DYNC2H1: variants seen among roughly 807,000 people sequenced by gnomAD.
DYNC2H1 encodes the protein dynein cytoplasmic 2 heavy chain 1.
In DYNC2H1, 410 loss-of-function variants were observed where a neutral mutation model predicts 570.0. That is an observed-to-expected ratio of 0.72 (90% CI 0.66 to 0.78). The LOEUF (loss-of-function observed/expected upper bound fraction) is 0.78, where lower values mean the gene tolerates loss of function less well. Among genes scored for constraint, DYNC2H1 ranks in the 30% least tolerant of loss-of-function variants. DYNC2H1 has a pLI of 0.00. For missense variants in DYNC2H1, 4,865 were observed against 5,046.4 expected (o/e 0.96, Z 1.09); for synonymous variants, 1,688 against 1,677.6 (o/e 1.01, Z -0.15).
chr11:103,260,103 T>C (rs1386431683), intron 70 of DYNC2H1, 126 bp downstream of exon 70: 1 of 518,008 alleles, frequency 1.9e-6, no homozygotes, highest in Non-Finnish European at 3.0e-6. Flanking sequence ...CTGGTATTTT[T>C]CCAGAACATT....
rs1862074301 is a variant in DYNC2H1 at position 103,186,447 on chromosome 11, G to A, written c.6839G>A (p.Ser2280Asn). The change falls in exon 42 of 89, where the codon AGT becomes AAT. Residue 2280 changes from serine to asparagine, a missense_variant. Around this residue, in one of 5 missense-constraint regions of DYNC2H1, gnomAD observed 2,401 missense variants for 2,454.6 expected, o/e 0.98. Transcript: ENST00000375735. This position sits in a 1 kb window ranked among gnomAD's most constrained non-coding sequence, Gnocchi z 4.5. Reference sequence around the variant, plus strand: ...CTAGATTATTTCAAACCATGGTTAAGTTCTGATACTAAACAGCCCTTTATT... The same window carrying A: ...CTAGATTATTTCAAACCATGGTTAAATTCTGATACTAAACAGCCCTTTATT... ...RGLDYFKPWL[S>N]SDTKQPFILV... is the part of the protein sequence containing the mutation. The A allele has an allele frequency of 6.2e-7, 1 of 1,612,536 alleles. No individual in the cohort carries two copies. Among genetic ancestry groups the A allele is most frequent in the Non-Finnish European group, 8.5e-7 (1 of 1,179,100 alleles).
At chr11:103,286,664 A>G (rs1408149718) in intron 74 of DYNC2H1, among the ~76,000 whole-genome samples, 1 of 152,216 alleles carries the variant, frequency 6.6e-6, no homozygotes, top group Non-Finnish European at 1.5e-5. Flanking sequence ...AAACTAAGGT[A>G]CAAATTGTAC....
chr11:103,377,579 G>A (rs1941444538), intron 83 of DYNC2H1, among the ~76,000 whole-genome samples: 1 of 151,774 alleles, frequency 6.6e-6, no homozygotes, highest in African/African-American at 2.4e-5. Context: ...ATATAATTCT[G>A]TTTTTAAATG....
At chr11:103,393,050 A>G (rs1942239401) in intron 83 of DYNC2H1, among the ~76,000 whole-genome samples, 1 of 151,900 alleles carries the variant, frequency 6.6e-6, no homozygotes, top group South Asian at 2.1e-4. Flanking sequence ...TGCCCAGCTA[A>G]TTTTTGTGTT....
In DYNC2H1 at chr11:103,392,490, C is replaced by T. The variant is rs141752964; in HGVS notation, c.12157-7173C>T. Among the ~76,000 whole-genome samples the T allele has an allele frequency of 2.9e-3, 438 of 152,290 alleles. 14 individuals carry two copies. In the East Asian group the frequency reaches 0.074, roughly 26 times the overall value. ...GCCCTGCTTCGGCTCACACTTGGTGCGCTGCACCCACTGTCCGACAATCCG... is the reference window on the plus strand; with the variant it reads ...GCCCTGCTTCGGCTCACACTTGGTGTGCTGCACCCACTGTCCGACAATCCG... On this transcript the variant is annotated intron_variant, in intron 83 of 88. Transcript: ENST00000375735.
At chr11:103,194,494 G>T (rs772132083) in intron 47 of DYNC2H1, among the ~76,000 whole-genome samples, 2 of 152,018 alleles carry the variant, frequency 1.3e-5, no homozygotes, top group African/African-American at 2.4e-5. Flanking sequence ...CAACTAACAG[G>T]CTTTTTTTTA....
intron 82 of DYNC2H1, among the ~76,000 whole-genome samples, chr11:103,350,064 A>T (rs896248413): frequency 6.6e-6 from 1 of 152,048 alleles, no homozygotes; most frequent in African/African-American, 2.4e-5. Context: ...TATGCAGGGA[A>T]ATTTTATATG....
intron 54 of DYNC2H1, among the ~76,000 whole-genome samples, chr11:103,214,772 G>A (rs1472292270): frequency 6.7e-6 from 1 of 149,560 alleles, no homozygotes; most frequent in Non-Finnish European, 1.5e-5. Context: ...TGATCCATGA[G>A]CATGAGATGT....
At chr11:103,113,393 A>G (rs564413299) in intron 1 of DYNC2H1, 144 bp from the exon 2 acceptor site, 476 of 524,150 alleles carry the variant, frequency 9.1e-4, no homozygotes, top group African/African-American at 8.9e-3. Context: ...TAAGGAAAGA[A>G]GAGATAAATT....
At chr11:103,210,068 C>G in intron 53 of DYNC2H1, 108 bp downstream of exon 53, 1 of 1,213,312 alleles carries the variant, frequency 8.2e-7, no homozygotes, top group Non-Finnish European at 1.1e-6. Context: ...TTGAATAATG[C>G]TAAGTGTAAC....
At chr11:103,375,299 TC>T (rs1565539299) in intron 83 of DYNC2H1, among the ~76,000 whole-genome samples, 1 of 152,182 alleles carries the variant, frequency 6.6e-6, no homozygotes, top group Non-Finnish European at 1.5e-5. Context: ...GTTGGAGCCC[TC>T]TTGGAGAACC....
At chr11:103,412,792 A>T (rs1360204434) in intron 84 of DYNC2H1, among the ~76,000 whole-genome samples, 2 of 152,196 alleles carry the variant, frequency 1.3e-5, no homozygotes, top group Non-Finnish European at 2.9e-5. Flanking sequence ...ACTTTCTTAA[A>T]ATATGTTCAT....
rs565364847 is a variant in DYNC2H1, at chr11:103,323,783, A to G, written c.11935-103A>G. Reference sequence around the variant, plus strand: ...TGAGATTTATCTAGAAAATAAAAATACAAATAATAATTGAACATTTCAAAG... The same window carrying G: ...TGAGATTTATCTAGAAAATAAAAATGCAAATAATAATTGAACATTTCAAAG... On this transcript the variant is annotated intron_variant, in intron 81 of 88. Transcript: ENST00000375735. The G allele has an allele frequency of 2.7e-5, 24 of 891,334 alleles. No individual in the cohort carries two copies. The South Asian group carries it at 4.6e-4, about 17-fold the overall frequency. The allele number at this position is 891,334 out of a possible 1,614,324, so 55.2% of individuals were successfully genotyped here. A position where few individuals can be genotyped will look rare whatever the true frequency, so the allele number is the denominator to read the frequency against.
rs776317704 is a variant in DYNC2H1 at position 103,125,170 on chromosome 11, C to G, written c.1732C>G (p.Arg578Gly). 46 of 1,613,444 alleles carry G rather than the reference C, an allele frequency of 2.9e-5. No individual in the cohort carries two copies. Among genetic ancestry groups the G allele is most frequent in the Non-Finnish European group, 3.7e-5 (44 of 1,179,722 alleles). The change falls in exon 12 of 89, where the codon CGT becomes GGT. Residue 578 changes from arginine to glycine, a missense_variant. Around this residue, in one of 5 missense-constraint regions of DYNC2H1, gnomAD observed 1,936 missense variants for 1,962.1 expected, o/e 0.99. Coordinates refer to ENST00000375735, the MANE Select transcript of DYNC2H1 (RefSeq NM_001377.3). ...ATTACTAAAAGTGCATTATTCAGATCGTTTGGTGATTCTTCTGAGAGAAGT... is the reference window on the plus strand; with the variant it reads ...ATTACTAAAAGTGCATTATTCAGATGGTTTGGTGATTCTTCTGAGAGAAGT... ...DGLLKVHYSD[R>G]LVILLREVRQ...
rs1366199301 is a variant in DYNC2H1, at chr11:103,243,594, T to A, written c.9820-99T>A. 3.2e-6 allele frequency: 3 copies of A among 939,708 alleles called. No individual in the cohort carries two copies. Among genetic ancestry groups the A allele is most frequent in the Non-Finnish European group, 4.7e-6 (3 of 634,428 alleles). 58.2% of individuals were successfully genotyped at this position (939,708 alleles called of 1,614,324 possible). On this transcript the variant is annotated intron_variant, in intron 63 of 88. Coordinates refer to ENST00000375735, the MANE Select transcript of DYNC2H1 (RefSeq NM_001377.3). The surrounding 1 kb of genome is among the most constrained non-coding windows in gnomAD (Gnocchi z 4.8). ...GTTCTCCAAAGCTTGAGAGAAAAGATCATTTAGTAATTGATTTATAATTTC... is the reference window on the plus strand; with the variant it reads ...GTTCTCCAAAGCTTGAGAGAAAAGAACATTTAGTAATTGATTTATAATTTC...
At chr11:103,128,805 T>G in intron 12 of DYNC2H1, 105 bp from the exon 13 acceptor site, 1 of 1,015,702 alleles carries the variant, frequency 9.8e-7, no homozygotes. Context: ...ATTTTCTGTT[T>G]AAATTTTAGG....
rs1457233674 is a variant in DYNC2H1, at chr11:103,220,762, C to T, written c.9086C>T (p.Thr3029Ile). The change falls in exon 57 of 89, where the codon ACA becomes ATA. Residue 3029 changes from threonine to isoleucine, a missense_variant. Coordinates refer to ENST00000375735, the MANE Select transcript of DYNC2H1 (RefSeq NM_001377.3). ...GVLRLMGIFD[T>I]SWVSMKSFLA... ...TTAAGGTTGATGGGTATCTTTGATACATCTTGGGTGAGCATGAAAAGGTAC... is the reference window on the plus strand; with the variant it reads ...TTAAGGTTGATGGGTATCTTTGATATATCTTGGGTGAGCATGAAAAGGTAC... 6.2e-7 allele frequency: 1 copy of T among 1,610,786 alleles called. No homozygotes were observed. Among genetic ancestry groups the T allele is most frequent in the Non-Finnish European group, 8.5e-7 (1 of 1,178,436 alleles).
At chr11:103,399,269 A>AAT (rs1203878907) in intron 83 of DYNC2H1, among the ~76,000 whole-genome samples, 28 of 147,758 alleles carry the variant, frequency 1.9e-4, no homozygotes, top group African/African-American at 7.0e-4. Flanking sequence ...CAACCTCTTG[A>AAT]GTGGCTGTGG....
At chr11:103,347,037 A>G (rs184854525) in intron 82 of DYNC2H1, among the ~76,000 whole-genome samples, 2 of 152,312 alleles carry the variant, frequency 1.3e-5, no homozygotes, top group Non-Finnish European at 2.9e-5. Context: ...AAATATGAAG[A>G]ACAATTTCCA....
Sources: allele counts gnomAD v4.1 joint callset (sites outside exome capture counted in the v4.1 genomes callset), GRCh38; gene constraint gnomAD v4.1.1; regional missense constraint gnomAD v4.1.1; non-coding constraint Gnocchi (gnomAD v3.1); transcripts MANE v1.5; gene names NCBI Gene and HGNC (gene_info 2026-07-23, HGNC 2026-07-21).